CREB5: variants seen among roughly 807,000 people sequenced by gnomAD.
CREB5 encodes cyclic AMP-responsive element-binding protein 5.
Under a neutral mutation model 57.1 loss-of-function variants are expected in CREB5, and 19 were observed. The ratio of observed to expected loss-of-function variants is 0.33; its 90% CI spans 0.23 to 0.49. The LOEUF (loss-of-function observed/expected upper bound fraction) is 0.49. Ranked by LOEUF, CREB5 falls within the 20% of genes least tolerant of loss-of-function variation. CREB5 has a pLI of 0.99. For missense variants in CREB5, 579 were observed against 671.6 expected (o/e 0.86, Z 1.52); for synonymous variants, 238 against 238.3 (o/e 1.00, Z 0.01).
chr7:28,522,594 C>T (rs1273375503), intron 4 of CREB5, among the ~76,000 whole-genome samples: 1 of 151,896 alleles, frequency 6.6e-6, no homozygotes, highest in Non-Finnish European at 1.5e-5. Context: ...GATGGGGTGT[C>T]ACCATGTCGG....
At position 28,552,318 on chromosome 7, in the gene CREB5, A is replaced by G. The variant is rs1041022382; in HGVS notation, c.292-18047A>G. On this transcript the variant is annotated intron_variant, in intron 4 of 10. Coordinates refer to ENST00000357727, the MANE Select transcript of CREB5 (RefSeq NM_182898.4). Reference sequence around the variant, plus strand: ...CTCCAAAAGTGCTGGAATTACAGGCATGAGTGAGCCACCAATTTATTTCTA... The same window carrying G: ...CTCCAAAAGTGCTGGAATTACAGGCGTGAGTGAGCCACCAATTTATTTCTA... Among the ~76,000 whole-genome samples the G allele has an allele frequency of 3.9e-5, 6 of 152,214 alleles. No individual in the cohort carries two copies. The South Asian group carries it at 1.2e-3, about 32-fold the overall frequency.
intron 4 of CREB5, among the ~76,000 whole-genome samples, chr7:28,538,280 C>T (rs1317187175): frequency 2.0e-5 from 3 of 152,174 alleles, no homozygotes; most frequent in Admixed American, 6.5e-5. Flanking sequence ...TCTCGAACTC[C>T]TGACCTCAAG....
intron 5 of CREB5, among the ~76,000 whole-genome samples, chr7:28,635,267 T>C (rs562262922): frequency 2.0e-5 from 3 of 152,306 alleles, no homozygotes; most frequent in Admixed American, 1.3e-4. Flanking sequence ...CCTGCAGGTG[T>C]AATACACATT....
At chr7:28,742,184 A>G (rs539679928) in intron 7 of CREB5, among the ~76,000 whole-genome samples, 1 of 152,162 alleles carries the variant, frequency 6.6e-6, no homozygotes, top group Admixed American at 6.5e-5. Flanking sequence ...GATGGGAGTG[A>G]TGGAAATGAC....
intron 7 of CREB5, among the ~76,000 whole-genome samples, chr7:28,763,080 C>T (rs112197572): frequency 6.6e-6 from 1 of 152,168 alleles, no homozygotes; most frequent in African/African-American, 2.4e-5. Flanking sequence ...TAAAGTATAA[C>T]TTGTGCATCT....
intron 5 of CREB5, among the ~76,000 whole-genome samples, chr7:28,689,466 T>TTAATAA (rs541345341): frequency 4.6e-5 from 7 of 151,866 alleles, no homozygotes; most frequent in Non-Finnish European, 1.5e-5. Context: ...AGACTCTGTC[T>TTAATAA]TAATAATAAT....
intron 5 of CREB5, among the ~76,000 whole-genome samples, chr7:28,642,679 A>T (rs1243973335): frequency 6.6e-6 from 1 of 151,886 alleles, no homozygotes; most frequent in African/African-American, 2.4e-5. Context: ...TGTGAGCTTC[A>T]CTCCTTCTGC....
At chr7:28,483,430 T>C (rs2128590948) in intron 1 of CREB5, among the ~76,000 whole-genome samples, 1 of 152,316 alleles carries the variant, frequency 6.6e-6, no homozygotes, top group Admixed American at 6.5e-5. Flanking sequence ...TCAACTCACT[T>C]TATGTGCTAT....
chr7:28,468,809 T>C (rs889704579), intron 1 of CREB5, among the ~76,000 whole-genome samples: 6 of 152,192 alleles, frequency 3.9e-5, no homozygotes, highest in African/African-American at 7.2e-5. Flanking sequence ...GACAGACCTA[T>C]GAGGTAGTTG....
chr7:28,417,559 T>C (rs1788077447), intron 1 of CREB5, among the ~76,000 whole-genome samples: 1 of 152,210 alleles, frequency 6.6e-6, no homozygotes, highest in Non-Finnish European at 1.5e-5. Context: ...AAAACACTGA[T>C]ACCCTTCCAC....
chr7:28,547,166 T>C (rs1794453532), intron 4 of CREB5, among the ~76,000 whole-genome samples: 1 of 152,250 alleles, frequency 6.6e-6, no homozygotes, highest in African/African-American at 2.4e-5. Flanking sequence ...TGTATCGACC[T>C]GTGTGAGAAT....
chr7:28,640,135 A>C (rs1798591985), intron 5 of CREB5, among the ~76,000 whole-genome samples: 1 of 152,046 alleles, frequency 6.6e-6, no homozygotes, highest in Admixed American at 6.6e-5. Context: ...GATACTCTGC[A>C]CTCTCAGCTC....
At chr7:28,615,099 T>G (rs1797545609) in intron 5 of CREB5, 1 of 152,216 alleles carries the variant, frequency 6.6e-6, no homozygotes, top group African/African-American at 2.4e-5. Flanking sequence ...CACCATATGG[T>G]GGCCACAGTG....
At chr7:28,527,034 T>G (rs1725581310) in intron 4 of CREB5, among the ~76,000 whole-genome samples, 1 of 152,162 alleles carries the variant, frequency 6.6e-6, no homozygotes, top group Non-Finnish European at 1.5e-5. Context: ...GAACCTTGAC[T>G]TTTCCATTGT....
At chr7:28,500,344 G>T (rs1410155481) in intron 3 of CREB5, among the ~76,000 whole-genome samples, 5 of 152,162 alleles carry the variant, frequency 3.3e-5, no homozygotes, top group Admixed American at 3.3e-4. Context: ...TGGTGGGACT[G>T]GATGTGGGTA....
intron 7 of CREB5, among the ~76,000 whole-genome samples, chr7:28,767,965 G>T (rs1001918973): frequency 1.3e-5 from 2 of 152,142 alleles, no homozygotes; most frequent in African/African-American, 2.4e-5. Flanking sequence ...AAAATTTAAA[G>T]AAAGAACAGT....
chr7:28,339,069 G>T (rs181257069), intron 1 of CREB5, among the ~76,000 whole-genome samples: 339 of 152,140 alleles, frequency 2.2e-3, no homozygotes, highest in African/African-American at 7.6e-3. Flanking sequence ...CAGTTATTTT[G>T]AATTCCCTGT....
chr7:28,648,941 A>G (rs1374317476), intron 5 of CREB5, among the ~76,000 whole-genome samples: 4 of 152,158 alleles, frequency 2.6e-5, no homozygotes, highest in Non-Finnish European at 4.4e-5. Context: ...TTAATGTACC[A>G]ATAAAGGTTT....
rs926361853 is a variant in CREB5 at position 28,332,157 on chromosome 7, G to A, written c.-25+32716G>A. Among the ~76,000 whole-genome samples, 7 of 152,096 alleles carry A rather than the reference G, an allele frequency of 4.6e-5. No individual in the cohort carries two copies. In the East Asian group the frequency reaches 5.8e-4, roughly 13 times the overall value. On this transcript the variant is annotated intron_variant, in intron 1 of 9. Transcript: ENST00000396299. ...ATGGAGGCAGAGATTGGAGTGATGC[G>A]GCTGCAAGCTAAAGAATGCCAGCAG...
Sources: allele counts gnomAD v4.1 joint callset (sites outside exome capture counted in the v4.1 genomes callset), GRCh38; gene constraint gnomAD v4.1.1; transcripts MANE v1.5; gene names NCBI Gene and HGNC (gene_info 2026-07-23, HGNC 2026-07-21).